Variants in LRRC7 observed in about 807,000 individuals in gnomAD.
LRRC7 encodes leucine rich repeat containing 7, also known as leucine-rich repeat-containing protein 7.
LRRC7 carries 23 observed loss-of-function variants against 175.7 expected under a neutral mutation model. That is an observed-to-expected ratio of 0.13 (90% confidence interval 0.09 to 0.19). The LOEUF (loss-of-function observed/expected upper bound fraction) is 0.19. Among genes scored for constraint, LRRC7 ranks in the 10% least tolerant of loss-of-function variants. The pLI is 1.00. For synonymous variants in LRRC7, 685 were observed against 680.9 expected, an observed-to-expected ratio of 1.01 and a Z score of -0.09; for missense variants, 1,354 against 1,904.7, an observed-to-expected ratio of 0.71 and a Z score of 5.38.
intron 3 of LRRC7, among the ~76,000 whole-genome samples, chr1:69,779,085 TTTAGA>T (rs1225718725): frequency 6.6e-6 from 1 of 151,950 alleles, no homozygotes; most frequent in South Asian, 2.1e-4. Context: ...AGTATGGAAC[TTTAGA>T]TTAATGCCAT....
rs565485777 is a variant in LRRC7, at chr1:69,634,968, G to T, written c.3-43413G>T. On this transcript the variant is annotated intron_variant, in intron 1 of 26. Coordinates refer to ENST00000651989, the MANE Select transcript of LRRC7 (RefSeq NM_001370785.2). ...TTAAACTTTTTATTTTAAGTTCAAG[G>T]ATATATGTGCAGGTTTGTTACATAG... Among the ~76,000 whole-genome samples, 18 of 152,204 alleles carry T rather than the reference G, an allele frequency of 1.2e-4. No homozygotes were observed. The South Asian group carries it at 3.7e-3, about 32-fold the overall frequency.
chr1:70,012,465 T>G (rs563627033), intron 12 of LRRC7, among the ~76,000 whole-genome samples: 1 of 151,908 alleles, frequency 6.6e-6, no homozygotes, highest in Admixed American at 6.6e-5. Flanking sequence ...ACATTTTCAA[T>G]TGAGCATTTT....
At chr1:70,098,710 A>G (rs937510950) in intron 25 of LRRC7, among the ~76,000 whole-genome samples, 5 of 151,990 alleles carry the variant, frequency 3.3e-5, no homozygotes, top group African/African-American at 1.2e-4. Context: ...CAAATAAACT[A>G]GAAAATCTAG....
intron 23 of LRRC7, among the ~76,000 whole-genome samples, chr1:70,064,790 A>G (rs1218316323): frequency 2.6e-5 from 4 of 151,928 alleles, no homozygotes; most frequent in South Asian, 2.1e-4. Flanking sequence ...TTTGAAATGC[A>G]TCTGTTTTCC....
In LRRC7 at chr1:70,131,326, A is replaced by T. The variant is rs1666654953; in HGVS notation, c.*9439A>T. Among the ~76,000 whole-genome samples, 1 of 152,198 alleles carries T rather than the reference A, an allele frequency of 6.6e-6. No individual in the cohort carries two copies. The highest frequency in any genetic ancestry group is 2.4e-5 in the African/African-American group (1 of 41,458). On this transcript the variant is annotated 3_prime_UTR_variant, in exon 27 of 27. Transcript: ENST00000651989. Reference sequence around the variant, plus strand: ...ATGATATCTAACTGGGAATCTAATGATATCTAAGACCCCCAGGTTGGTAAG... The same window carrying T: ...ATGATATCTAACTGGGAATCTAATGTTATCTAAGACCCCCAGGTTGGTAAG...
At chr1:70,078,822 A>ACG (rs1553200894) in intron 24 of LRRC7, among the ~76,000 whole-genome samples, 2 of 111,996 alleles carry the variant, frequency 1.8e-5, no homozygotes, top group African/African-American at 4.3e-5. Context: ...ACACACACAC[A>ACG]CGCACACACA....
intron 23 of LRRC7, among the ~76,000 whole-genome samples, chr1:70,068,722 CTTTT>C: frequency 6.6e-6 from 1 of 151,902 alleles, no homozygotes; most frequent in African/African-American, 2.4e-5. Flanking sequence ...ATGAATTTTT[CTTTT>C]TTCTTTTTTT....
chr1:69,865,861 G>T (rs1340643533), intron 7 of LRRC7, among the ~76,000 whole-genome samples: 1 of 152,102 alleles, frequency 6.6e-6, no homozygotes, highest in East Asian at 1.9e-4. Context: ...ACCTGGCCAG[G>T]ATAACCTCAG....
At chr1:69,890,814 G>A (rs1645811833) in intron 7 of LRRC7, among the ~76,000 whole-genome samples, 1 of 152,204 alleles carries the variant, frequency 6.6e-6, no homozygotes, top group Admixed American at 6.5e-5. Context: ...TTTATGTCAT[G>A]AAGATGACTT....
chr1:69,916,184 C>CATATTTTATATATATAATATATATATTAT (rs1553174073), intron 7 of LRRC7, among the ~76,000 whole-genome samples: 59 of 22,776 alleles, frequency 2.6e-3, no homozygotes, highest in African/African-American at 4.0e-3. Flanking sequence ...ATATATATTA[C>CATATTTTATATATATAATATATATATTAT]ATACATATTT....
At chr1:69,626,686 G>A (rs1651608595) in intron 1 of LRRC7, among the ~76,000 whole-genome samples, 1 of 150,764 alleles carries the variant, frequency 6.6e-6, no homozygotes, top group Non-Finnish European at 1.5e-5. Flanking sequence ...TTTACATTAG[G>A]TATATCTCCT....
At chr1:69,797,088 C>T (rs74087732) in intron 4 of LRRC7, among the ~76,000 whole-genome samples, 514 of 152,124 alleles carry the variant, frequency 3.4e-3, no homozygotes, top group African/African-American at 0.012. Flanking sequence ...AAATGTTTGG[C>T]AGGTAAATAA....
In LRRC7 at chr1:70,143,118, C is replaced by CTCT. The variant is rs1032062859; in HGVS notation, c.*21235_*21237dup. On this transcript the variant is annotated 3_prime_UTR_variant, in exon 27 of 27. Coordinates refer to ENST00000651989, the MANE Select transcript of LRRC7 (RefSeq NM_001370785.2). ...ATAATTCAGTTAGTGAAATATTTCA[C>CTCT]TCTTCTGTAAGTTTAAGAAAAATTC... is the stretch of plus-strand genomic sequence containing the variant. 1.3e-5 allele frequency: 2 copies of CTCT among 151,580 alleles called. No homozygotes were observed. Among genetic ancestry groups the CTCT allele is most frequent in the African/African-American group, 4.8e-5 (2 of 41,278 alleles). 9.4% of individuals were successfully genotyped at this position (151,580 alleles called of 1,614,324 possible). A position where few individuals can be genotyped will look rare whatever the true frequency, so the allele number is the denominator to read the frequency against.
intron 3 of LRRC7, among the ~76,000 whole-genome samples, chr1:69,772,324 G>T: frequency 6.6e-6 from 1 of 152,152 alleles, no homozygotes; most frequent in East Asian, 1.9e-4. Context: ...GACACTCTAA[G>T]GAGTGTGGCA....
At chr1:70,082,855 A>G (rs1467274311) in intron 24 of LRRC7, among the ~76,000 whole-genome samples, 3 of 124,724 alleles carry the variant, frequency 2.4e-5, no homozygotes, top group African/African-American at 6.0e-5. Flanking sequence ...CAGTGGAGCA[A>G]TCTCACCACA....
At chr1:69,781,786 A>AAAGGAAGGAAGGAAGGAAGG (rs771907811) in intron 3 of LRRC7, among the ~76,000 whole-genome samples, 24 of 28,250 alleles carry the variant, frequency 8.5e-4, no homozygotes, top group Non-Finnish European at 1.1e-3. Flanking sequence ...AGAAAGAAAG[A>AAAGGAAGGAAGGAAGGAAGG]AAGGAAGGAA....
At chr1:69,847,484 T>G (rs1173987636) in intron 7 of LRRC7, among the ~76,000 whole-genome samples, 1 of 152,100 alleles carries the variant, frequency 6.6e-6, no homozygotes, top group Non-Finnish European at 1.5e-5. Context: ...ATTCACCACA[T>G]GTTAACATGG....
rs932973004 is a variant in LRRC7 at position 70,132,373 on chromosome 1, A to G, written c.*10486A>G. ...TAACGTCATAGGTAATGCTTTAGTC[A>G]TACAACTTCTCAGAACAAGGAAAAA... On this transcript the variant is annotated 3_prime_UTR_variant, in exon 27 of 27. Transcript: ENST00000651989. The G allele has an allele frequency of 6.6e-6, 1 of 152,224 alleles. No individual in the cohort carries two copies. Among genetic ancestry groups the G allele is most frequent in the South Asian group, 2.1e-4 (1 of 4,826 alleles). 9.4% of individuals were successfully genotyped at this position (152,224 alleles called of 1,614,324 possible). A position where few individuals can be genotyped will look rare whatever the true frequency, so the allele number is the denominator to read the frequency against.
intron 2 of LRRC7, among the ~76,000 whole-genome samples, chr1:69,756,531 G>C (rs1670450238): frequency 6.6e-6 from 1 of 151,560 alleles, no homozygotes; most frequent in Non-Finnish European, 1.5e-5. Context: ...GAAAAATGTG[G>C]GTGTGAAATA....
Sources: gnomAD v4.1 joint callset for allele counts (sites outside exome capture counted in the v4.1 genomes callset) on GRCh38, gnomAD v4.1.1 for gene constraint, MANE v1.5 for transcripts, NCBI Gene and HGNC (gene_info 2026-07-23, HGNC 2026-07-21) for gene names.